The following CSGALNACT1 variants were observed in gnomAD, a reference collection of about 807,000 sequenced individuals.
The protein encoded by CSGALNACT1 is chondroitin sulfate N-acetylgalactosaminyltransferase 1, also known as beta4GalNAcT-1.
A neutral mutation model predicts 51.0 loss-of-function variants in CSGALNACT1; 52 were observed. The ratio of observed to expected loss-of-function variants is 1.02; its 90% confidence interval spans 0.82 to 1.29. The LOEUF is 1.29. CSGALNACT1 is among the 50% of genes most tolerant of loss of function. The pLI, the probability that CSGALNACT1 is intolerant of heterozygous loss-of-function variation, is 0.00. For synonymous variants in CSGALNACT1, 341 were observed against 254.4 expected (o/e 1.34, Z -3.24); for missense variants, 935 against 679.2 (o/e 1.38, Z -4.19).
At chr8:19,693,340 G>C (rs2061424870) in intron 1 of CSGALNACT1, among the ~76,000 whole-genome samples, 1 of 152,044 alleles carries the variant, frequency 6.6e-6, no homozygotes, top group Non-Finnish European at 1.5e-5. Flanking sequence ...TGCAGATGCA[G>C]TTCTTCACCT....
At chr8:19,425,228 C>G (rs569123710) in intron 6 of CSGALNACT1, among the ~76,000 whole-genome samples, 1 of 152,252 alleles carries the variant, frequency 6.6e-6, no homozygotes, top group East Asian at 1.9e-4. Context: ...GTAGTCCTCA[C>G]TACTTGGGAG....
chr8:19,706,505 G>A (rs144853748), intron 1 of CSGALNACT1, among the ~76,000 whole-genome samples: 319 of 152,290 alleles, frequency 2.1e-3, no homozygotes, highest in African/African-American at 7.4e-3. Context: ...CAGGTTTAAA[G>A]GAGTGCCTTT....
chr8:19,717,393 A>G (rs899582690), intron 1 of CSGALNACT1, among the ~76,000 whole-genome samples: 21 of 152,334 alleles, frequency 1.4e-4, no homozygotes, highest in Admixed American at 3.9e-4. Flanking sequence ...GAGTACAGAC[A>G]CATAACATAG....
Position 19,485,871 on chromosome 8 carries a change from A to T in CSGALNACT1, c.634+19330T>A, listed in dbSNP as rs145588928. Among the ~76,000 whole-genome samples, 9 of 147,484 alleles carry T rather than the reference A, an allele frequency of 6.1e-5. No homozygotes were observed. The East Asian group carries it at 1.8e-3, about 30-fold the overall frequency. On this transcript the variant is annotated intron_variant, in intron 4 of 9. Transcript: ENST00000454498. ...AACCTCTGCCTACCAGGTTCAAGCA[A>T]ATCTTCTGCCTCAACTTCCCAAGTA... is the stretch of plus-strand genomic sequence containing the variant.
intron 1 of CSGALNACT1, among the ~76,000 whole-genome samples, chr8:19,703,495 G>A (rs1380390199): frequency 6.6e-6 from 1 of 152,150 alleles, no homozygotes; most frequent in African/African-American, 2.4e-5. Flanking sequence ...AGTACAGACA[G>A]GTTTTCACCA....
chr8:19,451,426 C>G (rs1305936582), intron 5 of CSGALNACT1, among the ~76,000 whole-genome samples: 1 of 152,062 alleles, frequency 6.6e-6, no homozygotes, highest in Non-Finnish European at 1.5e-5. Context: ...AACACAAATA[C>G]TTTTTGAGAG....
intron 1 of CSGALNACT1, among the ~76,000 whole-genome samples, chr8:19,621,283 A>C (rs1294395349): frequency 1.3e-5 from 2 of 152,164 alleles, no homozygotes; most frequent in Non-Finnish European, 2.9e-5. Context: ...GGGGAAAAAA[A>C]ACCCTGCAAA....
At chr8:19,415,307 T>G (rs780453182) in intron 8 of CSGALNACT1, among the ~76,000 whole-genome samples, 1 of 152,194 alleles carries the variant, frequency 6.6e-6, no homozygotes, top group Non-Finnish European at 1.5e-5. Context: ...GTTTGTCCAG[T>G]AAAAAACATA....
chr8:19,502,350 G>C (rs898128756), intron 4 of CSGALNACT1, among the ~76,000 whole-genome samples: 1 of 152,194 alleles, frequency 6.6e-6, no homozygotes, highest in African/African-American at 2.4e-5. Context: ...TGGTGGATTA[G>C]GAAACTGAGT....
Position 19,502,095 on chromosome 8 carries a change from A to C in CSGALNACT1, c.634+3106T>G, listed in dbSNP as rs187168570. ...CTCTGCAAGCTTCGCAGAACTGTAG[A>C]AAGTGGCCACAGACAGACCAGACCT... On this transcript the variant is annotated intron_variant, in intron 4 of 9. Coordinates refer to ENST00000454498, the Ensembl canonical transcript of CSGALNACT1. Among the ~76,000 whole-genome samples, 13 of 152,352 alleles carry C rather than the reference A, an allele frequency of 8.5e-5. No individual in the cohort carries two copies. In the East Asian group the frequency reaches 2.1e-3, roughly 25 times the overall value.
At chr8:19,465,652 G>T (rs536545491) in intron 4 of CSGALNACT1, among the ~76,000 whole-genome samples, 1 of 152,148 alleles carries the variant, frequency 6.6e-6, no homozygotes, top group Non-Finnish European at 1.5e-5. Flanking sequence ...TCAATGCAAA[G>T]CCGTCTCTCT....
At chr8:19,738,292 C>A (rs1361319238) in intron 1 of CSGALNACT1, among the ~76,000 whole-genome samples, 1 of 152,160 alleles carries the variant, frequency 6.6e-6, no homozygotes, top group Non-Finnish European at 1.5e-5. Flanking sequence ...TATTATTCTG[C>A]TTTAAAAAGA....
chr8:19,504,351 C>A (rs2076930929), intron 4 of CSGALNACT1, among the ~76,000 whole-genome samples: 1 of 152,208 alleles, frequency 6.6e-6, no homozygotes, highest in Non-Finnish European at 1.5e-5. Context: ...GCTGGGATTA[C>A]AGGCGCGAGC....
intron 3 of CSGALNACT1, among the ~76,000 whole-genome samples, chr8:19,522,151 T>G (rs551090483): frequency 9.9e-5 from 15 of 152,106 alleles, no homozygotes; most frequent in Middle Eastern, 3.4e-3. Context: ...TGTAACAGAG[T>G]TAATATGAAA....
intron 1 of CSGALNACT1, among the ~76,000 whole-genome samples, chr8:19,711,124 T>G (rs558872271): frequency 2.0e-5 from 3 of 152,316 alleles, no homozygotes; most frequent in East Asian, 1.9e-4. Context: ...CAACATAGCT[T>G]TAGATTTTTA....
At chr8:19,517,295 C>A (rs954428421) in intron 3 of CSGALNACT1, among the ~76,000 whole-genome samples, 1 of 152,046 alleles carries the variant, frequency 6.6e-6, no homozygotes, top group Non-Finnish European at 1.5e-5. Flanking sequence ...ACAAAATTAG[C>A]TGGGTGTGGT....
rs1347476408 is a variant in CSGALNACT1 at position 19,405,939 on chromosome 8, G to A, written c.1440C>T (p.Arg480=). The A allele has an allele frequency of 2.7e-5, 44 of 1,613,998 alleles. No homozygotes were observed. Among genetic ancestry groups the A allele is most frequent in the Non-Finnish European group, 3.4e-5 (40 of 1,180,040 alleles). ...GCTCGGGGGTCAGCTCGTCCATGCAGCGCTTCTCATGCCAGAGGTGGAAGA... is the reference window on the plus strand; with the variant it reads ...GCTCGGGGGTCAGCTCGTCCATGCAACGCTTCTCATGCCAGAGGTGGAAGA... The change falls in exon 10 of 10, where the codon CGC becomes CGT. Residue 480 remains arginine, a synonymous_variant. Coordinates refer to ENST00000454498, the Ensembl canonical transcript of CSGALNACT1.
chr8:19,588,296 T>A (rs1367770250), intron 3 of CSGALNACT1, among the ~76,000 whole-genome samples: 3 of 152,102 alleles, frequency 2.0e-5, no homozygotes, highest in Non-Finnish European at 4.4e-5. Flanking sequence ...ATAGGCAGGG[T>A]ATTCAATTGG....
chr8:19,434,970 T>G (rs576450754), intron 6 of CSGALNACT1, among the ~76,000 whole-genome samples: 2 of 152,230 alleles, frequency 1.3e-5, no homozygotes, highest in East Asian at 3.9e-4. Flanking sequence ...GAAAGAGGTG[T>G]GAAATGCTGA....
Sources: allele counts gnomAD v4.1 joint callset (sites outside exome capture counted in the v4.1 genomes callset), GRCh38; gene constraint gnomAD v4.1.1; transcripts MANE v1.5; gene names NCBI Gene and HGNC (gene_info 2026-07-23, HGNC 2026-07-21).